Variants in ERP44 observed in about 807,000 individuals in gnomAD.
The protein encoded by ERP44 is endoplasmic reticulum resident protein 44.
In ERP44, 25 loss-of-function variants were observed where a neutral mutation model predicts 53.4. That is an observed-to-expected ratio of 0.47 (90% confidence interval 0.34 to 0.65). The LOEUF is 0.65. Among genes scored for constraint, ERP44 ranks in the 30% least tolerant of loss-of-function variants. The pLI, the probability that ERP44 is intolerant of heterozygous loss-of-function variation, is 0.01. For missense variants in ERP44, 338 were observed against 493.2 expected, an observed-to-expected ratio of 0.69 and a Z score of 2.98; for synonymous variants, 145 against 161.2, an observed-to-expected ratio of 0.90 and a Z score of 0.76.
chr9:100,048,335 T>TA (rs951394466), intron 4 of ERP44, among the ~76,000 whole-genome samples: 1 of 151,590 alleles, frequency 6.6e-6, no homozygotes, highest in East Asian at 1.9e-4. Context: ...TAATAAAATT[T>TA]AAAAAAAATA....
chr9:100,068,373 A>G, intron 1 of ERP44, among the ~76,000 whole-genome samples: 1 of 110,052 alleles, frequency 9.1e-6, no homozygotes, highest in Non-Finnish European at 1.8e-5. Flanking sequence ...CCCGTCCGGG[A>G]GGGAGGTGGG....
At chr9:100,068,446 C>A (rs1316039110) in intron 1 of ERP44, among the ~76,000 whole-genome samples, 1 of 135,358 alleles carries the variant, frequency 7.4e-6, no homozygotes, top group Non-Finnish European at 1.6e-5. Context: ...GTGAGAGGTG[C>A]CTCTGCCCGG....
At chr9:99,998,685 C>G (rs1830342352) in intron 10 of ERP44, 1 of 740,754 alleles carries the variant, frequency 1.3e-6, no homozygotes, top group Non-Finnish European at 2.5e-6. Context: ...GACCTTAATC[C>G]TTACTTCTCT....
chr9:100,059,121 G>A (rs940364251), intron 2 of ERP44, among the ~76,000 whole-genome samples: 31 of 152,102 alleles, frequency 2.0e-4, no homozygotes, highest in African/African-American at 7.5e-4. Flanking sequence ...CATAAGACAG[G>A]AATAGACTTT....
chr9:100,068,572 G>T (rs1214936886), intron 1 of ERP44, among the ~76,000 whole-genome samples: 1 of 145,172 alleles, frequency 6.9e-6, no homozygotes, highest in Non-Finnish European at 1.5e-5. Flanking sequence ...GGAGGTGGGG[G>T]GGTCAGCCCC....
chr9:100,065,311 G>T (rs1032509415), intron 1 of ERP44, among the ~76,000 whole-genome samples: 8 of 152,056 alleles, frequency 5.3e-5, no homozygotes, highest in Non-Finnish European at 1.0e-4. Flanking sequence ...ATTCCATATA[G>T]CCCAGATGTG....
At chr9:100,048,145 G>A (rs969288570) in intron 4 of ERP44, among the ~76,000 whole-genome samples, 2 of 152,074 alleles carry the variant, frequency 1.3e-5, no homozygotes, top group African/African-American at 4.8e-5. Context: ...AGGAGGCTGA[G>A]TGGGAGGATC....
At chr9:100,074,474 T>C (rs113220662) in intron 1 of ERP44, among the ~76,000 whole-genome samples, 1,968 of 152,274 alleles carry the variant, frequency 0.013, 31 homozygotes, top group African/African-American at 0.045. Context: ...AAAAAACTTG[T>C]AGGTCGAATG....
chr9:100,043,165 A>C (rs758425909), intron 4 of ERP44, among the ~76,000 whole-genome samples: 1 of 143,742 alleles, frequency 7.0e-6, no homozygotes, highest in Non-Finnish European at 1.5e-5. Flanking sequence ...AGGCTGAGGC[A>C]GGAGAATGGC....
At chr9:99,997,173 T>C (rs1017520893) in intron 10 of ERP44, among the ~76,000 whole-genome samples, 3 of 152,204 alleles carry the variant, frequency 2.0e-5, no homozygotes, top group Non-Finnish European at 4.4e-5. Context: ...AGTAGCGGGA[T>C]TGCTGTATCA....
chr9:100,031,266 G>GT (rs535905130), intron 4 of ERP44, among the ~76,000 whole-genome samples: 1 of 152,200 alleles, frequency 6.6e-6, no homozygotes, highest in Non-Finnish European at 1.5e-5. Context: ...GAATGGGTCA[G>GT]TACTTTCTGT....
At chr9:100,080,660 G>A (rs1353829632) in intron 1 of ERP44, among the ~76,000 whole-genome samples, 3 of 152,154 alleles carry the variant, frequency 2.0e-5, no homozygotes, top group Non-Finnish European at 4.4e-5. Context: ...AGGGAGCACT[G>A]CATGGGTTGG....
At chr9:100,070,940 ACAGAAACT>A (rs1212911623) in intron 1 of ERP44, among the ~76,000 whole-genome samples, 2 of 152,166 alleles carry the variant, frequency 1.3e-5, no homozygotes, top group South Asian at 2.1e-4. Context: ...TGAGACAGGG[ACAGAAACT>A]CAGAAACTCA....
chr9:100,065,365 C>T (rs1166138816), intron 1 of ERP44, among the ~76,000 whole-genome samples: 8 of 152,048 alleles, frequency 5.3e-5, no homozygotes, highest in South Asian at 2.1e-4. Flanking sequence ...TATTCTATGA[C>T]GTTTGCACAA....
chr9:99,990,292 C>G (rs1830239815), intron 10 of ERP44, among the ~76,000 whole-genome samples: 1 of 152,324 alleles, frequency 6.6e-6, no homozygotes, highest in Middle Eastern at 3.4e-3. Context: ...CAAAGGGAAG[C>G]CCATCAGACT....
chr9:100,068,611 G>A (rs1002215638), intron 1 of ERP44, among the ~76,000 whole-genome samples: 1 of 146,428 alleles, frequency 6.8e-6, no homozygotes, highest in Admixed American at 6.7e-5. Flanking sequence ...CGTCCGGGAG[G>A]GAGGTGGGGG....
chr9:100,036,023 A>G (rs1038649969), intron 4 of ERP44, among the ~76,000 whole-genome samples: 2 of 152,134 alleles, frequency 1.3e-5, no homozygotes, highest in African/African-American at 4.8e-5. Context: ...CTGCCATTCA[A>G]CCCAGCAATC....
At chr9:99,992,362 A>G (rs979484458) in intron 10 of ERP44, among the ~76,000 whole-genome samples, 22 of 152,302 alleles carry the variant, frequency 1.4e-4, no homozygotes, top group African/African-American at 5.1e-4. Flanking sequence ...CTGGTTCAAC[A>G]TATGCAAATC....
intron 1 of ERP44, among the ~76,000 whole-genome samples, chr9:100,073,810 A>G (rs1452645309): frequency 6.6e-6 from 1 of 152,228 alleles, no homozygotes; most frequent in Non-Finnish European, 1.5e-5. Context: ...TTTTATGACC[A>G]TGATCCACAG....
Sources: gnomAD v4.1 joint callset for allele counts (sites outside exome capture counted in the v4.1 genomes callset) on GRCh38, gnomAD v4.1.1 for gene constraint, MANE v1.5 for transcripts, NCBI Gene and HGNC (gene_info 2026-07-23, HGNC 2026-07-21) for gene names.